SMYD3: variants seen among roughly 807,000 people sequenced by gnomAD.
SMYD3 encodes histone-lysine N-methyltransferase SMYD3.
In SMYD3, 36 loss-of-function variants were observed where a neutral mutation model predicts 57.7. The ratio of observed to expected loss-of-function variants is 0.62; its 90% CI spans 0.48 to 0.82. The LOEUF is 0.82. Ranked by LOEUF, SMYD3 falls within the 40% of genes least tolerant of loss-of-function variation. The pLI, the probability that SMYD3 is intolerant of heterozygous loss-of-function variation, is 0.00. For synonymous variants in SMYD3, 211 were observed against 195.0 expected (o/e 1.08, Z -0.68); for missense variants, 515 against 538.8 (o/e 0.96, Z 0.44).
chr1:246,193,569 C>A (rs1239637304), intron 5 of SMYD3: 1 of 152,482 alleles, frequency 6.6e-6, no homozygotes, highest in South Asian at 2.1e-4. Flanking sequence ...CCCCATCACA[C>A]TGGCACCCCA....
At chr1:246,061,729 A>G (rs2060255889) in intron 5 of SMYD3, among the ~76,000 whole-genome samples, 1 of 152,232 alleles carries the variant, frequency 6.6e-6, no homozygotes, top group Non-Finnish European at 1.5e-5. Context: ...TGTCTCAAAA[A>G]TAAAATAATT....
At chr1:246,309,451 T>C (rs927703708) in intron 5 of SMYD3, among the ~76,000 whole-genome samples, 2 of 152,220 alleles carry the variant, frequency 1.3e-5, no homozygotes, top group Non-Finnish European at 2.9e-5. Flanking sequence ...CAGAACTGAA[T>C]GGCTGCCTGA....
intron 5 of SMYD3, among the ~76,000 whole-genome samples, chr1:246,130,506 T>C (rs1468184702): frequency 6.6e-6 from 1 of 151,966 alleles, no homozygotes; most frequent in African/African-American, 2.4e-5. Flanking sequence ...TGAAAGAAAA[T>C]TACAACCTAT....
intron 11 of SMYD3, among the ~76,000 whole-genome samples, chr1:245,757,566 T>C (rs1013347793): frequency 7.2e-5 from 11 of 152,138 alleles, no homozygotes; most frequent in Non-Finnish European, 1.6e-4. Context: ...CTTTTGCTCA[T>C]ATGTTTAGGT....
At chr1:246,247,371 G>A (rs1279173415) in intron 5 of SMYD3, among the ~76,000 whole-genome samples, 2 of 151,666 alleles carry the variant, frequency 1.3e-5, no homozygotes, top group South Asian at 2.1e-4. Flanking sequence ...CGTGTGTCTA[G>A]GCAACCACAC....
intron 7 of SMYD3, among the ~76,000 whole-genome samples, chr1:245,916,922 G>A (rs999540032): frequency 3.3e-5 from 5 of 151,980 alleles, no homozygotes; most frequent in African/African-American, 1.2e-4. Flanking sequence ...CGCACTGTGG[G>A]TTACCAGTCC....
At chr1:245,820,917 C>T (rs1317743002) in intron 10 of SMYD3, among the ~76,000 whole-genome samples, 4 of 151,222 alleles carry the variant, frequency 2.6e-5, no homozygotes, top group African/African-American at 9.7e-5. Flanking sequence ...AATGGAAGAA[C>T]ATTCCATGCT....
At position 246,289,691 on chromosome 1, in the gene SMYD3, TG is replaced by T. The variant is rs144888247; in HGVS notation, c.531+37509del. On this transcript the variant is annotated intron_variant, in intron 5 of 11. Coordinates refer to ENST00000490107, the MANE Select transcript of SMYD3 (RefSeq NM_001167740.2). ...ACTGCTTGGTGCAGTGCATGGCACT[TG>T]GTAAATGCTCAGTAAATGTTACTGT... is the stretch of plus-strand genomic sequence containing the variant. Among the ~76,000 whole-genome samples the T allele has an allele frequency of 1.8e-3, 271 of 152,316 alleles. 1 individual carries two copies. Among genetic ancestry groups the T allele is most frequent in the African/African-American group, 6.3e-3 (262 of 41,566 alleles).
intron 5 of SMYD3, among the ~76,000 whole-genome samples, chr1:246,172,722 C>T (rs1264216147): frequency 2.1e-5 from 3 of 143,330 alleles, no homozygotes; most frequent in African/African-American, 7.9e-5. Context: ...CTACTGCAGA[C>T]TATCCACACT....
chr1:246,355,145 T>C lies in SMYD3; in HGVS notation c.165-51A>G. On this transcript the variant is annotated intron_variant, in intron 1 of 11. Transcript: ENST00000490107. The surrounding 1 kb of genome is among the most constrained non-coding windows in gnomAD (Gnocchi z 5.0). ...ATTAAGAAATGAGTGGGAAACATAG[T>C]ACATAGTTGAAGAAAGAAAACATAA... 2 of 1,547,624 alleles carry C rather than the reference T, an allele frequency of 1.3e-6. No homozygotes were observed. The highest frequency in any genetic ancestry group is 1.8e-6 in the Non-Finnish European group (2 of 1,119,492).
At chr1:245,787,888 C>T (rs971129968) in intron 10 of SMYD3, among the ~76,000 whole-genome samples, 2 of 152,126 alleles carry the variant, frequency 1.3e-5, no homozygotes, top group African/African-American at 2.4e-5. Context: ...GGTTCAAGCA[C>T]GGTATAGGGA....
At chr1:245,852,815 C>T (rs1008529517) in intron 10 of SMYD3, among the ~76,000 whole-genome samples, 2 of 152,110 alleles carry the variant, frequency 1.3e-5, no homozygotes, top group African/African-American at 4.8e-5. Context: ...ACCCTTCGCC[C>T]ATCACTGTGC....
chr1:245,893,503 A>G (rs1193636887), intron 8 of SMYD3, among the ~76,000 whole-genome samples: 1 of 1,046 alleles, frequency 9.6e-4, no homozygotes, highest in East Asian at 0.071. Flanking sequence ...TAGCCATGTA[A>G]TGGAATACTA....
chr1:246,041,017 A>G (rs1363887984), intron 5 of SMYD3, among the ~76,000 whole-genome samples: 2 of 152,240 alleles, frequency 1.3e-5, no homozygotes, highest in East Asian at 3.8e-4. Flanking sequence ...TGGTGGTCCC[A>G]TAAGATTATA....
At chr1:246,305,674 T>A (rs897397674) in intron 5 of SMYD3, among the ~76,000 whole-genome samples, 4 of 152,222 alleles carry the variant, frequency 2.6e-5, no homozygotes, top group African/African-American at 9.6e-5. Context: ...CTAACTAAAG[T>A]CAGACTTTGT....
intron 1 of SMYD3, among the ~76,000 whole-genome samples, chr1:246,384,045 T>TA (rs1022546429): frequency 1.3e-5 from 2 of 151,458 alleles, no homozygotes; most frequent in Non-Finnish European, 2.9e-5. Context: ...AAACAACCAT[T>TA]AAAAAAAAGG....
chr1:245,985,507 G>A (rs1215058062), intron 5 of SMYD3, among the ~76,000 whole-genome samples: 1 of 152,036 alleles, frequency 6.6e-6, no homozygotes, highest in Non-Finnish European at 1.5e-5. Flanking sequence ...ATGTCCTTAA[G>A]GAAAAACATG....
chr1:245,825,373 G>GA (rs1281050544), intron 10 of SMYD3, among the ~76,000 whole-genome samples: 2 of 152,206 alleles, frequency 1.3e-5, no homozygotes, highest in African/African-American at 4.8e-5. Context: ...ATATCTAGAG[G>GA]AAACTACTAC....
intron 10 of SMYD3, among the ~76,000 whole-genome samples, chr1:245,782,416 G>T (rs1225718456): frequency 6.6e-6 from 1 of 152,192 alleles, no homozygotes; most frequent in African/African-American, 2.4e-5. Context: ...TGAAAAGAAA[G>T]ATTTCTCCCC....
Sources: allele counts gnomAD v4.1 joint callset (sites outside exome capture counted in the v4.1 genomes callset), GRCh38; gene constraint gnomAD v4.1.1; non-coding constraint Gnocchi (gnomAD v3.1); transcripts MANE v1.5; gene names NCBI Gene and HGNC (gene_info 2026-07-23, HGNC 2026-07-21).